The following NPHP4 variants were observed in gnomAD, a reference collection of about 807,000 sequenced individuals.
NPHP4 encodes nephrocystin 4.
In NPHP4, 151 loss-of-function variants were observed where a neutral mutation model predicts 155.8. The ratio of observed to expected loss-of-function variants is 0.97; its 90% CI spans 0.85 to 1.11. The LOEUF (loss-of-function observed/expected upper bound fraction) is 1.11, where lower values mean the gene tolerates loss of function less well. Among genes scored for constraint, NPHP4 ranks in the 50% least tolerant of loss-of-function variants. The pLI is 0.00. For synonymous variants in NPHP4, 845 were observed against 816.8 expected (o/e 1.03, Z -0.59); for missense variants, 1,956 against 1,925.7 (o/e 1.02, Z -0.29).
Position 5,885,484 on chromosome 1 carries a change from C to T in NPHP4, c.2485+1802G>A, listed in dbSNP as rs375725389. ...TGGACGACAAAAGCTGACCGAAAGA[C>T]AGTGCAAAAGAGGCTGCCAAGGAAA... On this transcript the variant is annotated intron_variant, in intron 18 of 29. Transcript: ENST00000378156. 9.2e-5 allele frequency among the ~76,000 whole-genome samples: 14 copies of T among 152,376 alleles called. No individual in the cohort carries two copies. In the East Asian group the frequency reaches 1.7e-3, roughly 19 times the overall value.
At chr1:5,969,483 C>A (rs1459834461) in intron 3 of NPHP4, among the ~76,000 whole-genome samples, 1 of 152,158 alleles carries the variant, frequency 6.6e-6, no homozygotes, top group Non-Finnish European at 1.5e-5. Context: ...GCTCTTTATT[C>A]CAGAGCACCC....
At position 5,874,544 on chromosome 1, in the gene NPHP4, A is replaced by C. The variant is rs770675162; in HGVS notation, c.3158T>G (p.Leu1053Arg). Residue 1053 changes from leucine to arginine, a missense_variant, in exon 22 of 30, where the codon CTG (leucine) becomes CGG (arginine). Physicochemically the swap from Leu to Arg is moderately radical, Grantham distance 102. Coordinates refer to ENST00000378156, the MANE Select transcript of NPHP4 (RefSeq NM_015102.5). ...LRGSLAPQLY[L>R]RPHETAHVPF... The stretch of plus-strand genomic sequence containing the variant: ...GACGTGGGCGGTCTCGTGGGGGCGC[A>C]GGTAGAGCTGGGGGGCCAGGCTGCC... 2 of 1,601,240 alleles carry C rather than the reference A, an allele frequency of 1.2e-6. No homozygotes were observed. Among genetic ancestry groups the C allele is most frequent in the South Asian group, 2.3e-5 (2 of 88,488 alleles).
Position 5,877,091 on chromosome 1 carries a change from A to G in NPHP4, c.2817+2T>C, listed in dbSNP as rs1341685537. The G allele has an allele frequency of 6.5e-7, 1 of 1,548,454 alleles. No individual in the cohort carries two copies. The highest frequency in any genetic ancestry group is 1.2e-5 in the South Asian group (1 of 82,546). ...GACAGTGACAGCTGAACAAACCCTT[A>G]CCAACACGCTCGTCCCGCGCCGGCC... On this transcript the variant is annotated splice_donor_variant, in intron 20 of 29. Coordinates refer to ENST00000378156, the MANE Select transcript of NPHP4 (RefSeq NM_015102.5). LOFTEE classifies it high-confidence loss of function.
intron 2 of NPHP4, among the ~76,000 whole-genome samples, chr1:5,983,748 C>T (rs1049041009): frequency 3.9e-5 from 6 of 152,190 alleles, no homozygotes; most frequent in African/African-American, 1.2e-4. Flanking sequence ...GAGATTGTTA[C>T]GTTTCCTTGA....
In NPHP4 at chr1:5,916,602, G is replaced by A. The variant is rs1426658722; in HGVS notation, c.1442-7389C>T. On this transcript the variant is annotated intron_variant, in intron 11 of 29. Coordinates refer to ENST00000378156, the MANE Select transcript of NPHP4 (RefSeq NM_015102.5). ...GCTGCTACAGCTCATTTGCACCACC[G>A]TTCAACTCCTGGTCCTTCCAGTAAC... Among the ~76,000 whole-genome samples, 4 of 152,306 alleles carry A rather than the reference G, an allele frequency of 2.6e-5. No homozygotes were observed. In the East Asian group the frequency reaches 7.7e-4, roughly 29 times the overall value.
intron 16 of NPHP4, among the ~76,000 whole-genome samples, chr1:5,897,993 G>A (rs1644478131): frequency 6.6e-6 from 1 of 152,250 alleles, no homozygotes. Flanking sequence ...AGAAGGCCCG[G>A]GAAAGAGGAG....
At chr1:5,896,066 T>C (rs1042764552) in intron 16 of NPHP4, among the ~76,000 whole-genome samples, 2 of 152,190 alleles carry the variant, frequency 1.3e-5, no homozygotes, top group Non-Finnish European at 2.9e-5. Context: ...ACCACTGAAT[T>C]AGAAAACAGG....
rs1315234371 is a variant in NPHP4, at chr1:5,910,836, T to C, written c.1442-1623A>G. 1.3e-5 allele frequency among the ~76,000 whole-genome samples: 2 copies of C among 152,078 alleles called. No homozygotes were observed. The highest frequency in any genetic ancestry group is 1.3e-4 in the Admixed American group (2 of 15,276). ...AGGAGGTGCTTCCCCAGCTGCAGGA[T>C]CTGGTGGAAACCCTGCTAAGGGCCT... is the stretch of plus-strand genomic sequence containing the variant. On this transcript the variant is annotated intron_variant, in intron 11 of 29. Transcript: ENST00000378156. This position sits in a 1 kb window ranked among gnomAD's most constrained non-coding sequence, Gnocchi z 5.4.
intron 13 of NPHP4, among the ~76,000 whole-genome samples, chr1:5,906,118 G>A (rs1164766667): frequency 6.6e-6 from 1 of 152,138 alleles, no homozygotes; most frequent in Non-Finnish European, 1.5e-5. Context: ...TTATGAGCAG[G>A]TCAGGACCGT....
intron 7 of NPHP4, among the ~76,000 whole-genome samples, chr1:5,949,172 C>A (rs1265668996): frequency 6.6e-6 from 1 of 152,044 alleles, no homozygotes; most frequent in Non-Finnish European, 1.5e-5. Context: ...ACAACTCTAC[C>A]CTCACACAAT....
chr1:5,945,685 C>T (rs1647052251), intron 9 of NPHP4, among the ~76,000 whole-genome samples: 1 of 152,210 alleles, frequency 6.6e-6, no homozygotes, highest in African/African-American at 2.4e-5. Flanking sequence ...GCGGCCCAGT[C>T]GCGATGGCAG....
chr1:5,881,251 G>A (rs896882178), intron 18 of NPHP4: 1 of 152,250 alleles, frequency 6.6e-6, no homozygotes. Context: ...CCAGTGCTGG[G>A]AGCACGCCCA....
rs137852923 is a variant in NPHP4 at position 5,904,788 on chromosome 1, G to A, written c.1972C>T (p.Arg658Ter). 30 of 1,613,960 alleles carry A rather than the reference G, an allele frequency of 1.9e-5. No individual in the cohort carries two copies. Among genetic ancestry groups the A allele is most frequent in the East Asian group, 1.1e-4 (5 of 44,882 alleles). The part of the protein sequence containing the change: ...LAFSRVAQDC[R>*]GTSWPKTVYF... ...ACAGTCTTTGGCCATGATGTTCCTC[G>A]GCAGTCCTGGGCCACTCTGAATCCA... The change falls in exon 16 of 30, where the codon CGA (arginine) becomes TGA (stop). Residue 658 changes from arginine (R) to a stop codon, truncating the protein, a stop_gained. Transcript: ENST00000378156. LOFTEE classifies it high-confidence loss of function.
intron 4 of NPHP4, among the ~76,000 whole-genome samples, chr1:5,967,853 G>A (rs907664969): frequency 8.5e-5 from 13 of 152,140 alleles, no homozygotes; most frequent in African/African-American, 3.1e-4. Flanking sequence ...CAGCACAGAC[G>A]ACAGCCCCGC....
intron 16 of NPHP4, among the ~76,000 whole-genome samples, chr1:5,903,774 G>A (rs1644783579): frequency 6.6e-6 from 1 of 152,184 alleles, no homozygotes; most frequent in African/African-American, 2.4e-5. Context: ...GGTTTTGGAA[G>A]CATCCCAGCT....
Position 5,865,195 on chromosome 1 carries a change from G to A in NPHP4, c.3723C>T (p.Val1241=), listed in dbSNP as rs375485412. 4.0e-5 allele frequency: 65 copies of A among 1,611,356 alleles called. 1 individual carries two copies. The highest frequency in any genetic ancestry group is 5.0e-5 in the Non-Finnish European group (59 of 1,178,640). Reference sequence around the variant, plus strand: ...GGGACAGGCGGGTCAGCTGGCCTGCGACGCAGGAGACATCCACGCGCTGCA... The same window carrying A: ...GGGACAGGCGGGTCAGCTGGCCTGCAACGCAGGAGACATCCACGCGCTGCA... The part of the protein sequence containing the change: ...HSLQRVDVSC[V]AGQLTRLSLV... The change falls in exon 27 of 30, where the codon GTC becomes GTT. Residue 1241 remains valine, a synonymous_variant. Coordinates refer to ENST00000378156, the MANE Select transcript of NPHP4 (RefSeq NM_015102.5).
rs755009197 is a variant in NPHP4, at chr1:5,938,451, T to C, written c.1120-5122A>G. 2.9e-4 allele frequency among the ~76,000 whole-genome samples: 44 copies of C among 152,126 alleles called. 1 individual carries two copies. The highest frequency in any genetic ancestry group is 1.6e-3 in the Admixed American group (24 of 15,286). On this transcript the variant is annotated intron_variant, in intron 9 of 29. Coordinates refer to ENST00000378156, the MANE Select transcript of NPHP4 (RefSeq NM_015102.5). Reference sequence around the variant, plus strand: ...GCGGAGGTTCACAAGCCAGATGCCATCAACCAGAAGCTACTCAGTCCTCAA... The same window carrying C: ...GCGGAGGTTCACAAGCCAGATGCCACCAACCAGAAGCTACTCAGTCCTCAA...
At chr1:5,881,660 C>T (rs1393690592) in intron 18 of NPHP4, 18 of 152,244 alleles carry the variant, frequency 1.2e-4, no homozygotes, top group Non-Finnish European at 1.5e-5. Flanking sequence ...TCTAGAAGAG[C>T]TTCACTTCAC....
chr1:5,976,975 T>A (rs1653711394), intron 3 of NPHP4, among the ~76,000 whole-genome samples: 1 of 152,172 alleles, frequency 6.6e-6, no homozygotes, highest in South Asian at 2.1e-4. Context: ...TTACTCATCA[T>A]ACAAACTGTC....
Sources: gnomAD v4.1 joint callset for allele counts (sites outside exome capture counted in the v4.1 genomes callset) on GRCh38, gnomAD v4.1.1 for gene constraint, Gnocchi (gnomAD v3.1) non-coding constraint, MANE v1.5 for transcripts, NCBI Gene and HGNC (gene_info 2026-07-23, HGNC 2026-07-21) for gene names.